ARHGAP39: variants seen among roughly 807,000 people sequenced by gnomAD.
The protein encoded by ARHGAP39 is rho GTPase-activating protein 39.
Under a neutral mutation model 106.9 loss-of-function variants are expected in ARHGAP39, and 44 were observed. The observed-to-expected ratio is 0.41, with a 90% CI of 0.32 to 0.53. The LOEUF (loss-of-function observed/expected upper bound fraction) is 0.53, where lower values mean the gene tolerates loss of function less well. Among genes scored for constraint, ARHGAP39 ranks in the 20% least tolerant of loss-of-function variants. The pLI is 0.21. For synonymous variants in ARHGAP39, 768 were observed against 693.2 expected (o/e 1.11, Z -1.69); for missense variants, 1,496 against 1,577.3 (o/e 0.95, Z 0.87).
chr8:144,533,844 G>C (rs750522565), intron 8 of ARHGAP39, among the ~76,000 whole-genome samples: 1 of 151,968 alleles, frequency 6.6e-6, no homozygotes, highest in East Asian at 1.9e-4. Flanking sequence ...CTTGGGACAG[G>C]TCCAGGGAAC....
chr8:144,645,921 G>A lies in ARHGAP39; in HGVS notation c.-82+39765C>T, dbSNP rs1012162443. Among the ~76,000 whole-genome samples, 2 of 152,240 alleles carry A rather than the reference G, an allele frequency of 1.3e-5. No homozygotes were observed. The highest frequency in any genetic ancestry group is 4.8e-5 in the African/African-American group (2 of 41,460). On this transcript the variant is annotated intron_variant, in intron 1 of 11. Transcript: ENST00000377307. This position sits in a 1 kb window ranked among gnomAD's most constrained non-coding sequence, Gnocchi z 4.4. ...CCTGGGTGCTGGTGCAAGGTATGCG[G>A]CAGCAACACCATCTTTAGGATGTCA...
At chr8:144,558,117 A>C (rs919547092) in intron 3 of ARHGAP39, among the ~76,000 whole-genome samples, 1 of 152,232 alleles carries the variant, frequency 6.6e-6, no homozygotes, top group East Asian at 1.9e-4. Context: ...TACTAGGCAC[A>C]GGTTAGTGAG....
chr8:144,685,539 G>A (rs1822566133), intron 1 of ARHGAP39, among the ~76,000 whole-genome samples, 147 bp downstream of exon 1: 1 of 136,164 alleles, frequency 7.3e-6, no homozygotes, highest in Non-Finnish European at 1.6e-5. Context: ...CCCTCCCGCC[G>A]CTGCAGTCGC....
chr8:144,613,641 A>C (rs1394194621), intron 1 of ARHGAP39, among the ~76,000 whole-genome samples: 1 of 150,066 alleles, frequency 6.7e-6, no homozygotes, highest in African/African-American at 2.5e-5. Flanking sequence ...TGCTTTTGAG[A>C]TTTATCTCTT....
In ARHGAP39 at chr8:144,530,196, G is replaced by C; in HGVS notation, c.*226C>G. On this transcript the variant is annotated 3_prime_UTR_variant, in exon 12 of 12. Coordinates refer to ENST00000377307, the MANE Select transcript of ARHGAP39 (RefSeq NM_025251.3). The stretch of plus-strand genomic sequence containing the variant: ...GGCGAGGCGGTGCCCGCGGGAACTG[G>C]CCGTGAGGTGGGGGGCCAGAGGCGC... 1 of 559,214 alleles carries C rather than the reference G, an allele frequency of 1.8e-6. No individual in the cohort carries two copies. The highest frequency in any genetic ancestry group is 3.1e-6 in the Non-Finnish European group (1 of 318,288). 34.6% of individuals were successfully genotyped at this position (559,214 alleles called of 1,614,324 possible).
chr8:144,653,220 G>A (rs957480442), intron 1 of ARHGAP39, among the ~76,000 whole-genome samples: 1 of 152,180 alleles, frequency 6.6e-6, no homozygotes, highest in African/African-American at 2.4e-5. Context: ...ACAATCGCTT[G>A]AACCCGGGAA....
chr8:144,563,471 C>T (rs1818279741), intron 3 of ARHGAP39, among the ~76,000 whole-genome samples: 1 of 152,142 alleles, frequency 6.6e-6, no homozygotes, highest in African/African-American at 2.4e-5. Context: ...AAACCTCCCT[C>T]AACCACTATT....
chr8:144,583,701 T>C (rs937986466), intron 2 of ARHGAP39, among the ~76,000 whole-genome samples: 3 of 152,266 alleles, frequency 2.0e-5, no homozygotes, highest in African/African-American at 7.2e-5. Flanking sequence ...ATTTGTCATG[T>C]TGGCGGTGCT....
Position 144,645,727 on chromosome 8 carries a change from G to A in ARHGAP39, c.-82+39959C>T, listed in dbSNP as rs1262604310. On this transcript the variant is annotated intron_variant, in intron 1 of 11. Coordinates refer to ENST00000377307, the MANE Select transcript of ARHGAP39 (RefSeq NM_025251.3). The surrounding 1 kb of genome is among the most constrained non-coding windows in gnomAD (Gnocchi z 4.4). The stretch of plus-strand genomic sequence containing the variant: ...CCAAACCCAGACGTGCTCTCAGGAA[G>A]CAGAGCGATACACCTTGGATGGCAG... 6.6e-6 allele frequency among the ~76,000 whole-genome samples: 1 copy of A among 152,270 alleles called. No individual in the cohort carries two copies. Among genetic ancestry groups the A allele is most frequent in the Non-Finnish European group, 1.5e-5 (1 of 68,050 alleles).
intron 1 of ARHGAP39, among the ~76,000 whole-genome samples, chr8:144,676,128 A>G (rs1231513979): frequency 2.6e-5 from 4 of 152,216 alleles, no homozygotes. Flanking sequence ...AAGCTTCCAC[A>G]GCATGGAAGG....
intron 1 of ARHGAP39, among the ~76,000 whole-genome samples, chr8:144,657,753 A>T (rs1359527593): frequency 6.6e-6 from 1 of 152,132 alleles, no homozygotes; most frequent in East Asian, 1.9e-4. Context: ...TAAGCTTCGC[A>T]AAACAGGCAA....
At position 144,529,637 on chromosome 8, in the gene ARHGAP39, T is replaced by C. The variant is rs561495452; in HGVS notation, c.*785A>G. 2 of 152,318 alleles carry C rather than the reference T, an allele frequency of 1.3e-5. No individual in the cohort carries two copies. The highest frequency in any genetic ancestry group is 1.9e-4 in the East Asian group (1 of 5,182). 9.4% of individuals were successfully genotyped at this position (152,318 alleles called of 1,614,324 possible). A position where few individuals can be genotyped will look rare whatever the true frequency, so the allele number is the denominator to read the frequency against. On this transcript the variant is annotated 3_prime_UTR_variant, in exon 12 of 12. Transcript: ENST00000377307. The stretch of plus-strand genomic sequence containing the variant: ...AGGACGGGGACGGCTCAGAGATAAA[T>C]AGCATTTAGGTTAAAACTATGTCAT...
intron 6 of ARHGAP39, among the ~76,000 whole-genome samples, chr8:144,539,603 T>C (rs938286082): frequency 2.0e-5 from 3 of 152,266 alleles, no homozygotes; most frequent in Non-Finnish European, 4.4e-5. Context: ...AAAATATGCG[T>C]TGAAATTCAT....
Position 144,548,181 on chromosome 8 carries a change from G to T in ARHGAP39, c.905C>A (p.Ser302Tyr). 1 of 1,579,360 alleles carries T rather than the reference G, an allele frequency of 6.3e-7. No individual in the cohort carries two copies. Among genetic ancestry groups the T allele is most frequent in the Non-Finnish European group, 8.6e-7 (1 of 1,161,792 alleles). The change falls in exon 5 of 12, where the codon TCC becomes TAC. Residue 302 changes from serine to tyrosine, a missense_variant. Ser to Tyr is a moderately radical substitution (Grantham distance 144, BLOSUM62 -2). This residue lies in a region of ARHGAP39 where 905 missense variants were observed against 816.4 expected (regional missense o/e 1.11). Coordinates refer to ENST00000377307, the MANE Select transcript of ARHGAP39 (RefSeq NM_025251.3). This position sits in a 1 kb window ranked among gnomAD's most constrained non-coding sequence, Gnocchi z 7.4. ...GGGTTCATAGCCATAGCGCGGGGAG[G>T]AGGGCTGCGAGTCCCCGGAGGGCTT... ...PRKPSGDSQPSSPRYGYEPPL... is the reference protein window; with the variant it reads ...PRKPSGDSQPYSPRYGYEPPL...
rs539402278 is a variant in ARHGAP39 at position 144,601,944 on chromosome 8, C to T, written c.80+3591G>A. ...GTGTGTGTGCATGGAGGCGTGCGTG[C>T]GAGCTCGTGTACCTGTGTTCATGTG... On this transcript the variant is annotated intron_variant, in intron 2 of 11. Transcript: ENST00000377307. Among the ~76,000 whole-genome samples, 729 of 113,900 alleles carry T rather than the reference C, an allele frequency of 6.4e-3. 4 individuals are homozygous for T. Among genetic ancestry groups the T allele is most frequent in the South Asian group, 0.026 (87 of 3,284 alleles). The allele number at this position is 113,900 out of a possible 152,430, so 74.7% of individuals were successfully genotyped here. A position where few individuals can be genotyped will look rare whatever the true frequency, so the allele number is the denominator to read the frequency against.
chr8:144,530,360 G>A lies in ARHGAP39; in HGVS notation c.*62C>T. On this transcript the variant is annotated 3_prime_UTR_variant, in exon 12 of 12. Transcript: ENST00000377307. ...ATTCTGGCCCCTCTGCCGGGAGAGC[G>A]AGTGCGGAGTTCGGCCTGGCTGGGG... is the stretch of plus-strand genomic sequence containing the variant. 3.3e-6 allele frequency: 5 copies of A among 1,499,982 alleles called. No homozygotes were observed. Among genetic ancestry groups the A allele is most frequent in the Non-Finnish European group, 4.5e-6 (5 of 1,109,968 alleles). The allele number at this position is 1,499,982 out of a possible 1,614,324, so 92.9% of individuals were successfully genotyped here. A position where few individuals can be genotyped will look rare whatever the true frequency, so the allele number is the denominator to read the frequency against.
chr8:144,532,263 T>C, intron 10 of ARHGAP39, 42 bp downstream of exon 10: 1 of 1,597,652 alleles, frequency 6.3e-7, no homozygotes, highest in Non-Finnish European at 8.5e-7. Context: ...AACCACTGCC[T>C]GAGCCAGGCC....
intron 1 of ARHGAP39, among the ~76,000 whole-genome samples, chr8:144,656,394 A>G (rs1455356293): frequency 1.3e-5 from 2 of 152,206 alleles, no homozygotes; most frequent in Non-Finnish European, 2.9e-5. Flanking sequence ...AAGAGGGTCA[A>G]TTCATCAAGA....
At chr8:144,562,317 T>G (rs1818214448) in intron 3 of ARHGAP39, among the ~76,000 whole-genome samples, 3 of 149,796 alleles carry the variant, frequency 2.0e-5, no homozygotes, top group Non-Finnish European at 4.4e-5. Flanking sequence ...CTCCAGTGGT[T>G]TCCATCACGC....
Sources: gnomAD v4.1 joint callset for allele counts (sites outside exome capture counted in the v4.1 genomes callset) on GRCh38, gnomAD v4.1.1 for gene constraint, gnomAD v4.1.1 regional missense constraint, Gnocchi (gnomAD v3.1) non-coding constraint, MANE v1.5 for transcripts, NCBI Gene and HGNC (gene_info 2026-07-23, HGNC 2026-07-21) for gene names.